The following DENND1A variants were observed in gnomAD, a reference collection of about 807,000 sequenced individuals.
DENND1A encodes the protein DENN domain containing 1A, also known as DENN domain-containing protein 1A.
A neutral mutation model predicts 113.7 loss-of-function variants in DENND1A; 51 were observed. The ratio of observed to expected loss-of-function variants is 0.45; its 90% CI spans 0.36 to 0.57. DENND1A has a LOEUF of 0.57. Among genes scored for constraint, DENND1A ranks in the 20% least tolerant of loss-of-function variants. The pLI is 0.00. For missense variants in DENND1A, 1,258 were observed against 1,395.9 expected (o/e 0.90, Z 1.57); for synonymous variants, 565 against 570.8 (o/e 0.99, Z 0.14).
chr9:123,458,864 A>G (rs1412307903), intron 13 of DENND1A, among the ~76,000 whole-genome samples: 2 of 152,206 alleles, frequency 1.3e-5, no homozygotes, highest in Non-Finnish European at 2.9e-5. Flanking sequence ...AGGAAAGCTG[A>G]GGCAGGAGAA....
At chr9:123,401,879 G>A (rs779868479) in intron 21 of DENND1A, 1 of 1,614,216 alleles carries the variant, frequency 6.2e-7, no homozygotes, top group East Asian at 2.2e-5. Flanking sequence ...TTTTCTGTAG[G>A]ATGTGGAGTG....
intron 12 of DENND1A, among the ~76,000 whole-genome samples, chr9:123,564,025 G>A (rs1205688544): frequency 6.6e-6 from 1 of 152,088 alleles, no homozygotes; most frequent in African/African-American, 2.4e-5. Flanking sequence ...TGCTGGAAAC[G>A]GAACTGCAGA....
Position 123,708,722 on chromosome 9 carries a change from T to C in DENND1A, c.303-31933A>G, listed in dbSNP as rs1026273527. 5.3e-5 allele frequency among the ~76,000 whole-genome samples: 8 copies of C among 152,254 alleles called. 2 individuals are homozygous for C. In the South Asian group the frequency reaches 1.5e-3, roughly 28 times the overall value. On this transcript the variant is annotated intron_variant, in intron 5 of 23. Coordinates refer to ENST00000394215, the MANE Select transcript of DENND1A (RefSeq NM_001352964.2). Reference sequence around the variant, plus strand: ...CTTCAGTTTGGCAGGGGGAGTAGGATGAGCAATGAGCATGTATTGATTACA... The same window carrying C: ...CTTCAGTTTGGCAGGGGGAGTAGGACGAGCAATGAGCATGTATTGATTACA...
In DENND1A at chr9:123,466,293, G is replaced by C. The variant is rs193030698; in HGVS notation, c.994-8396C>G. ...ATTACAAGCATGAGCCACCGTGCCT[G>C]CCTTTTTATTTATTTATTTTTTTTG... is the stretch of plus-strand genomic sequence containing the variant. On this transcript the variant is annotated intron_variant, in intron 13 of 23. Coordinates refer to ENST00000394215, the MANE Select transcript of DENND1A (RefSeq NM_001352964.2). Among the ~76,000 whole-genome samples, 12 of 152,088 alleles carry C rather than the reference G, an allele frequency of 7.9e-5. No homozygotes were observed. The East Asian group carries it at 2.1e-3, about 27-fold the overall frequency.
At chr9:123,557,502 G>A (rs2136039240) in intron 13 of DENND1A, 68 bp downstream of exon 13, 5 of 1,570,738 alleles carry the variant, frequency 3.2e-6, no homozygotes, top group Non-Finnish European at 4.3e-6. Context: ...GGCATTTCTT[G>A]TGGCCCCTGA....
chr9:123,651,390 G>A (rs1436888868), intron 9 of DENND1A, among the ~76,000 whole-genome samples: 6 of 152,072 alleles, frequency 3.9e-5, no homozygotes, highest in East Asian at 1.9e-4. Flanking sequence ...GCACATGCAC[G>A]TACACACGTG....
intron 1 of DENND1A, among the ~76,000 whole-genome samples, chr9:123,884,239 A>C (rs921266606): frequency 6.6e-6 from 1 of 152,020 alleles, no homozygotes; most frequent in South Asian, 2.1e-4. Context: ...ATTACTCTTC[A>C]AGATGTTTAA....
intron 5 of DENND1A, among the ~76,000 whole-genome samples, chr9:123,729,575 G>C (rs1177942577): frequency 3.9e-5 from 6 of 152,110 alleles, no homozygotes; most frequent in Admixed American, 2.0e-4. Context: ...CCTCTTCAAG[G>C]AGAACTACAA....
In DENND1A at chr9:123,709,986, C is replaced by T. The variant is rs139943230; in HGVS notation, c.303-33197G>A. Among the ~76,000 whole-genome samples, 164 of 152,304 alleles carry T rather than the reference C, an allele frequency of 1.1e-3. 1 individual carries two copies. Among genetic ancestry groups the T allele is most frequent in the Non-Finnish European group, 1.7e-3 (119 of 68,022 alleles). On this transcript the variant is annotated intron_variant, in intron 5 of 23. Transcript: ENST00000394215. ...ATCACTAGAGATAAAGAATCCAACA[C>T]TCAGGAAAGTTTAATAACTTTCTCA...
At chr9:123,913,165 T>C (rs1157597705) in intron 1 of DENND1A, among the ~76,000 whole-genome samples, 3 of 148,988 alleles carry the variant, frequency 2.0e-5, no homozygotes. Context: ...GGAAATTTTG[T>C]CAACCTAGAA....
rs1448717921 is a variant in DENND1A, at chr9:123,457,549, A to G, written c.1099-114T>C. 3.3e-6 allele frequency: 3 copies of G among 901,960 alleles called. No homozygotes were observed. In the African/African-American group the frequency reaches 5.0e-5, roughly 15 times the overall value. 55.9% of individuals were successfully genotyped at this position (901,960 alleles called of 1,614,324 possible). A position where few individuals can be genotyped will look rare whatever the true frequency, so the allele number is the denominator to read the frequency against. Reference sequence around the variant, plus strand: ...AGGAGTTTTCAAAAAGTAAGGTTCAACAGGCAAGTTTCTTTCTAAAATACC... The same window carrying G: ...AGGAGTTTTCAAAAAGTAAGGTTCAGCAGGCAAGTTTCTTTCTAAAATACC... On this transcript the variant is annotated intron_variant, in intron 14 of 23. Transcript: ENST00000394215.
chr9:123,539,250 G>A (rs1388077669), intron 13 of DENND1A, among the ~76,000 whole-genome samples: 1 of 146,062 alleles, frequency 6.8e-6, no homozygotes, highest in African/African-American at 2.5e-5. Context: ...CAATTAGCAG[G>A]AAATACAGGG....
Position 123,757,683 on chromosome 9 carries a change from G to T in DENND1A, c.302+20C>A. 6.2e-7 allele frequency: 1 copy of T among 1,612,386 alleles called. No individual in the cohort carries two copies. The highest frequency in any genetic ancestry group is 1.1e-5 in the South Asian group (1 of 90,994). On this transcript the variant is annotated intron_variant, in intron 5 of 23. Coordinates refer to ENST00000394215, the MANE Select transcript of DENND1A (RefSeq NM_001352964.2). ...CATTGCTTCAGAGAACAAGCCAACA[G>T]CCCAAGCCTTCTCCCTTACCTTAAG...
chr9:123,738,440 C>T lies in DENND1A; in HGVS notation c.302+19263G>A, dbSNP rs903259195. ...GAATGAAAAACTGCCGTGTCAACAG[C>T]TTCTGTGTGTGTGTGTGTGTGTGTG... On this transcript the variant is annotated intron_variant, in intron 5 of 23. Transcript: ENST00000394215. Among the ~76,000 whole-genome samples, 3 of 109,120 alleles carry T rather than the reference C, an allele frequency of 2.7e-5. No homozygotes were observed. In the South Asian group the frequency reaches 8.7e-4, roughly 32 times the overall value. 71.6% of individuals were successfully genotyped at this position (109,120 alleles called of 152,430 possible).
chr9:123,440,041 G>A (rs1397419058), intron 19 of DENND1A: 1 of 197,244 alleles, frequency 5.1e-6, no homozygotes, highest in African/African-American at 2.4e-5. Flanking sequence ...ATGCTAAAGT[G>A]TTCTAATGAG....
intron 9 of DENND1A, among the ~76,000 whole-genome samples, chr9:123,633,689 T>C (rs1231528121): frequency 6.6e-6 from 1 of 152,056 alleles, no homozygotes; most frequent in Non-Finnish European, 1.5e-5. Flanking sequence ...GGCAGGAGAA[T>C]TGCTTGAACC....
chr9:123,893,064 G>T (rs561772487), intron 1 of DENND1A, among the ~76,000 whole-genome samples: 1 of 152,074 alleles, frequency 6.6e-6, no homozygotes, highest in South Asian at 2.1e-4. Flanking sequence ...GGGCATGGTG[G>T]CTCATGGCCC....
intron 13 of DENND1A, among the ~76,000 whole-genome samples, chr9:123,510,118 G>A (rs912009269): frequency 5.9e-5 from 9 of 152,314 alleles, no homozygotes; most frequent in East Asian, 1.9e-4. Flanking sequence ...TGTGAGTCGC[G>A]CCTTCCCACT....
At chr9:123,554,554 T>C (rs1259895800) in intron 13 of DENND1A, among the ~76,000 whole-genome samples, 2 of 152,188 alleles carry the variant, frequency 1.3e-5, no homozygotes, top group Non-Finnish European at 2.9e-5. Context: ...ACCATCTAGG[T>C]GACATGGTGA....
Sources: allele counts gnomAD v4.1 joint callset (sites outside exome capture counted in the v4.1 genomes callset), GRCh38; gene constraint gnomAD v4.1.1; transcripts MANE v1.5; gene names NCBI Gene and HGNC (gene_info 2026-07-23, HGNC 2026-07-21).